Variants in RICTOR observed in about 807,000 individuals in gnomAD.
The protein encoded by RICTOR is RPTOR independent companion of MTOR complex 2, also known as rapamycin-insensitive companion of mTOR.
A neutral mutation model predicts 214.9 loss-of-function variants in RICTOR; 49 were observed. The ratio of observed to expected loss-of-function variants is 0.23; its 90% CI spans 0.18 to 0.29. The LOEUF is 0.29. Ranked by LOEUF, RICTOR falls within the 10% of genes least tolerant of loss-of-function variation. The pLI is 1.00. For synonymous variants in RICTOR, 717 were observed against 711.3 expected (o/e 1.01, Z -0.13); for missense variants, 1,625 against 2,047.0 (o/e 0.79, Z 3.98).
intron 2 of RICTOR, among the ~76,000 whole-genome samples, chr5:39,032,687 T>C (rs1199814343): frequency 6.6e-6 from 1 of 152,154 alleles, no homozygotes; most frequent in African/African-American, 2.4e-5. Context: ...GAGCAGAAAC[T>C]GCTGGGAGAA....
intron 16 of RICTOR, among the ~76,000 whole-genome samples, chr5:38,963,463 T>C (rs1478490073): frequency 6.6e-6 from 1 of 152,016 alleles, no homozygotes; most frequent in Non-Finnish European, 1.5e-5. Context: ...GGATAATCAA[T>C]GATCCCAGTA....
At chr5:39,005,747 C>T (rs1397025750) in intron 3 of RICTOR, among the ~76,000 whole-genome samples, 2 of 152,162 alleles carry the variant, frequency 1.3e-5, no homozygotes, top group Non-Finnish European at 2.9e-5. Context: ...TTATCTGTCT[C>T]CACAGAAGGT....
chr5:39,043,716 T>C (rs893825656), intron 2 of RICTOR, among the ~76,000 whole-genome samples: 1 of 152,126 alleles, frequency 6.6e-6, no homozygotes, highest in East Asian at 1.9e-4. Context: ...TGTGGCTGTA[T>C]TGAGAGGTGG....
intron 2 of RICTOR, among the ~76,000 whole-genome samples, chr5:39,068,651 G>GA (rs1250940559): frequency 6.6e-6 from 1 of 152,088 alleles, no homozygotes; most frequent in East Asian, 1.9e-4. Context: ...TAGACCGAGT[G>GA]AAAAAAGGTG....
chr5:38,977,307 A>G (rs1183741945), intron 9 of RICTOR, among the ~76,000 whole-genome samples: 2 of 152,190 alleles, frequency 1.3e-5, no homozygotes, highest in Admixed American at 6.5e-5. Flanking sequence ...CTGACCTATC[A>G]AACTGTGATC....
chr5:39,039,272 G>A (rs1580166852), intron 2 of RICTOR, among the ~76,000 whole-genome samples: 2 of 152,190 alleles, frequency 1.3e-5, no homozygotes, highest in East Asian at 1.9e-4. Flanking sequence ...TATGTAGAAA[G>A]CTGAAACTGG....
intron 4 of RICTOR, among the ~76,000 whole-genome samples, chr5:39,002,944 T>A (rs1753751619): frequency 6.6e-6 from 1 of 152,136 alleles, no homozygotes; most frequent in African/African-American, 2.4e-5. Context: ...ATATAAACAA[T>A]GGAAACAGCC....
intron 2 of RICTOR, among the ~76,000 whole-genome samples, chr5:39,031,884 A>T (rs940852698): frequency 6.6e-6 from 1 of 152,190 alleles, no homozygotes; most frequent in African/African-American, 2.4e-5. Context: ...TTACTTTTGC[A>T]AAAGCCAGAA....
At chr5:39,042,399 C>T (rs535738359) in intron 2 of RICTOR, among the ~76,000 whole-genome samples, 33 of 152,196 alleles carry the variant, frequency 2.2e-4, no homozygotes, top group South Asian at 1.5e-3. Context: ...CCACACCAAC[C>T]GTATAAGGTA....
rs1180186791 is a variant in RICTOR, at chr5:38,940,244, G to GGTGT, written c.*2056_*2059dup. On this transcript the variant is annotated 3_prime_UTR_variant, in exon 38 of 38. Coordinates refer to ENST00000357387, the MANE Select transcript of RICTOR (RefSeq NM_152756.5). Reference sequence around the variant, plus strand: ...CAGGGATAGTGATGGTGGGGGAGGGGGTGTGTGTGTGTGTAAGACAAAAAA... The same window carrying GGTGT: ...CAGGGATAGTGATGGTGGGGGAGGGGGTGTGTGTGTGTGTGTGTAAGACAAAAAA... The GGTGT allele has an allele frequency of 1.3e-5, 3 of 228,216 alleles. No individual in the cohort carries two copies. In the South Asian group the frequency reaches 5.5e-4, roughly 42 times the overall value. The allele number at this position is 228,216 out of a possible 1,614,324, so 14.1% of individuals were successfully genotyped here.
chr5:39,026,297 C>T (rs1284752685), intron 2 of RICTOR, among the ~76,000 whole-genome samples: 3 of 152,046 alleles, frequency 2.0e-5, no homozygotes, highest in Non-Finnish European at 4.4e-5. Context: ...GGGCAGTGAT[C>T]ATGTCACTTG....
At chr5:38,967,504 A>G in intron 12 of RICTOR, 77 bp from the exon 13 acceptor site, 5 of 1,092,760 alleles carry the variant, frequency 4.6e-6, no homozygotes, top group Non-Finnish European at 6.8e-6. Context: ...ACCATCAGCT[A>G]GCCAGGCTAT....
At chr5:38,977,526 T>C (rs1751335815) in intron 9 of RICTOR, among the ~76,000 whole-genome samples, 1 of 151,564 alleles carries the variant, frequency 6.6e-6, no homozygotes, top group Non-Finnish European at 1.5e-5. Flanking sequence ...TAGCTCAAAG[T>C]AGATCATGGT....
chr5:39,058,548 C>G (rs1342524720), intron 2 of RICTOR, among the ~76,000 whole-genome samples: 1 of 152,030 alleles, frequency 6.6e-6, no homozygotes, highest in East Asian at 1.9e-4. Flanking sequence ...ATTTTGAACT[C>G]TTAAAATAGA....
At chr5:38,960,674 A>T in intron 19 of RICTOR, 141 bp from the exon 20 acceptor site, 1 of 832,596 alleles carries the variant, frequency 1.2e-6, no homozygotes, top group Non-Finnish European at 1.9e-6. Flanking sequence ...AAATGTATTA[A>T]AAGTGTTTGG....
Position 39,060,861 on chromosome 5 carries a change from C to A in RICTOR, c.97+13250G>T, listed in dbSNP as rs573709181. Among the ~76,000 whole-genome samples the A allele has an allele frequency of 5.9e-5, 9 of 152,018 alleles. No homozygotes were observed. In the South Asian group the frequency reaches 1.9e-3, roughly 31 times the overall value. On this transcript the variant is annotated intron_variant, in intron 2 of 37. Transcript: ENST00000357387. ...GGGGTAAGTGCATGGGTTTTAGAAT[C>A]AGAAACAAAGAAAGGCTTCTGAACC...
At chr5:39,036,651 G>C (rs972027223) in intron 2 of RICTOR, among the ~76,000 whole-genome samples, 15 of 152,050 alleles carry the variant, frequency 9.9e-5, no homozygotes, top group South Asian at 4.2e-4. Context: ...AACAAAAAAA[G>C]GCAGGGGTTG....
At chr5:39,008,488 G>A (rs1027967216) in intron 3 of RICTOR, among the ~76,000 whole-genome samples, 1 of 151,910 alleles carries the variant, frequency 6.6e-6, no homozygotes, top group Non-Finnish European at 1.5e-5. Flanking sequence ...CCAGTTTGAC[G>A]CCAGAGCCCA....
chr5:38,972,416 T>A (rs188720627), intron 10 of RICTOR, among the ~76,000 whole-genome samples: 130 of 152,322 alleles, frequency 8.5e-4, no homozygotes, highest in African/African-American at 3.0e-3. Context: ...TGATTCAAAA[T>A]TTTTAAGTTA....
Sources: gnomAD v4.1 joint callset for allele counts (sites outside exome capture counted in the v4.1 genomes callset) on GRCh38, gnomAD v4.1.1 for gene constraint, MANE v1.5 for transcripts, NCBI Gene and HGNC (gene_info 2026-07-23, HGNC 2026-07-21) for gene names.